The following ARHGEF12 variants were observed in gnomAD, a reference collection of about 807,000 sequenced individuals.
ARHGEF12 encodes KMT2A/ARHGEF12 fusion protein.
ARHGEF12 carries 66 observed loss-of-function variants against 211.2 expected under a neutral mutation model. That is an observed-to-expected ratio of 0.31 (90% CI 0.26 to 0.38). ARHGEF12 has a LOEUF of 0.38. ARHGEF12 is among the 10% of genes least tolerant of loss of function. The pLI is 1.00. For missense variants in ARHGEF12, 1,429 were observed against 1,869.5 expected, an observed-to-expected ratio of 0.76 and a Z score of 4.34; for synonymous variants, 592 against 638.4, an observed-to-expected ratio of 0.93 and a Z score of 1.09.
At chr11:120,374,212 G>A (rs1374471885) in intron 1 of ARHGEF12, among the ~76,000 whole-genome samples, 1 of 152,120 alleles carries the variant, frequency 6.6e-6, no homozygotes, top group African/African-American at 2.4e-5. Flanking sequence ...TCATTTCAGA[G>A]TATAACCATT....
At chr11:120,380,458 G>C (rs1043678839) in intron 1 of ARHGEF12, among the ~76,000 whole-genome samples, 5 of 152,128 alleles carry the variant, frequency 3.3e-5, no homozygotes, top group African/African-American at 1.2e-4. Context: ...CTCTTGGTTT[G>C]TGACAGTTTC....
chr11:120,400,849 T>C (rs1944531967), intron 1 of ARHGEF12, among the ~76,000 whole-genome samples: 1 of 152,218 alleles, frequency 6.6e-6, no homozygotes, highest in Non-Finnish European at 1.5e-5. Context: ...TGTACTAAGC[T>C]ATATTTAAGA....
In ARHGEF12 at chr11:120,480,301, C is replaced by T; in HGVS notation, c.4108C>T (p.Pro1370Ser). ...IMTPEMPTME[P>S]EGGLDDSGEH... ...GACCCCAGAGATGCCTACCATGGAG[C>T]CAGAAGGGGGTCTTGATGACAGTGG... Residue 1370 changes from proline to serine, a missense_variant, in exon 38 of 41, where the codon CCA becomes TCA. Around this residue, in one of 7 missense-constraint regions of ARHGEF12, gnomAD observed 467 missense variants for 468.4 expected, o/e 1.00. Coordinates refer to ENST00000397843, the MANE Select transcript of ARHGEF12 (RefSeq NM_015313.3). The T allele has an allele frequency of 2.5e-6, 4 of 1,614,062 alleles. No homozygotes were observed. The highest frequency in any genetic ancestry group is 3.4e-6 in the Non-Finnish European group (4 of 1,180,026).
chr11:120,374,900 C>G (rs1324384144), intron 1 of ARHGEF12, among the ~76,000 whole-genome samples: 1 of 152,068 alleles, frequency 6.6e-6, no homozygotes, highest in Admixed American at 6.5e-5. Flanking sequence ...GTATTCTGTA[C>G]TTTGAAATTT....
At chr11:120,395,265 C>A (rs1018328685) in intron 1 of ARHGEF12, among the ~76,000 whole-genome samples, 1 of 151,692 alleles carries the variant, frequency 6.6e-6, no homozygotes, top group East Asian at 1.9e-4. Flanking sequence ...GTGTAATGAC[C>A]GGGTAGGGTT....
chr11:120,465,460 A>G (rs1034014540), intron 28 of ARHGEF12, 98 bp downstream of exon 28: 1 of 1,497,418 alleles, frequency 6.7e-7, no homozygotes, highest in Non-Finnish European at 9.1e-7. Context: ...TACAAAGATT[A>G]CATCTGTGTT....
intron 28 of ARHGEF12, 76 bp downstream of exon 28, chr11:120,465,438 G>A: frequency 6.4e-7 from 1 of 1,565,146 alleles, no homozygotes; most frequent in Non-Finnish European, 8.7e-7. Context: ...GGGGAATTCT[G>A]ACTAAGACTT....
intron 3 of ARHGEF12, chr11:120,408,451 A>G (rs559743595): frequency 3.3e-5 from 5 of 152,184 alleles, no homozygotes; most frequent in African/African-American, 1.2e-4. Context: ...TCTCCTTGTA[A>G]GCTTACTCCA....
At position 120,420,046 on chromosome 11, in the gene ARHGEF12, G is replaced by A. The variant is rs180891818; in HGVS notation, c.200-707G>A. Reference sequence around the variant, plus strand: ...CCTGACAGTTTTCATTTGCTGTTTAGAAGAAACACAAATTCTCCCTTAGGA... The same window carrying A: ...CCTGACAGTTTTCATTTGCTGTTTAAAAGAAACACAAATTCTCCCTTAGGA... On this transcript the variant is annotated intron_variant, in intron 4 of 40. Transcript: ENST00000397843. Among the ~76,000 whole-genome samples, 14 of 151,926 alleles carry A rather than the reference G, an allele frequency of 9.2e-5. No homozygotes were observed. The East Asian group carries it at 2.7e-3, about 29-fold the overall frequency.
At chr11:120,484,862 T>C (rs1591653318) in intron 40 of ARHGEF12, among the ~76,000 whole-genome samples, 1 of 152,182 alleles carries the variant, frequency 6.6e-6, no homozygotes, top group African/African-American at 2.4e-5. Flanking sequence ...TGGATGTTGG[T>C]GCACTTGCCT....
At chr11:120,482,363 C>A (rs12418325) in intron 39 of ARHGEF12, among the ~76,000 whole-genome samples, 3,166 of 152,174 alleles carry the variant, frequency 0.021, 136 homozygotes, top group South Asian at 0.16. Flanking sequence ...CATGGTCATG[C>A]ATGGGATTTT....
At chr11:120,412,051 C>T (rs1944898173) in intron 4 of ARHGEF12, among the ~76,000 whole-genome samples, 1 of 152,092 alleles carries the variant, frequency 6.6e-6, no homozygotes, top group Non-Finnish European at 1.5e-5. Flanking sequence ...ACATTTCTGC[C>T]CAGTGCGGTC....
At chr11:120,411,571 A>AC (rs1439338512) in intron 4 of ARHGEF12, 1 of 131,922 alleles carries the variant, frequency 7.6e-6, no homozygotes, top group Non-Finnish European at 1.6e-5. Context: ...TTTATTTTAA[A>AC]CTTTCTTGGC....
intron 11 of ARHGEF12, among the ~76,000 whole-genome samples, chr11:120,434,166 AAAG>A (rs1309525356): frequency 6.6e-6 from 1 of 152,222 alleles, no homozygotes; most frequent in Non-Finnish European, 1.5e-5. Flanking sequence ...ATCTGTAAGA[AAAG>A]AAGACTGCTT....
chr11:120,354,856 A>G (rs1591492657), intron 1 of ARHGEF12, among the ~76,000 whole-genome samples: 1 of 152,238 alleles, frequency 6.6e-6, no homozygotes, highest in East Asian at 1.9e-4. Flanking sequence ...GGAGTCGTAT[A>G]GATGTGGAGA....
chr11:120,382,674 T>C (rs1421134942), intron 1 of ARHGEF12, among the ~76,000 whole-genome samples: 1 of 152,264 alleles, frequency 6.6e-6, no homozygotes, highest in Non-Finnish European at 1.5e-5. Context: ...TATTCATTCA[T>C]TCTATTTCTC....
intron 1 of ARHGEF12, among the ~76,000 whole-genome samples, chr11:120,369,125 CTTTTTTTTTTTT>C (rs1183494101): frequency 7.9e-6 from 1 of 127,320 alleles, no homozygotes; most frequent in African/African-American, 2.9e-5. Flanking sequence ...TTCTTTTCTT[CTTTTTTTTTTTT>C]TTTTTTTCTG....
chr11:120,437,454 A>G, intron 12 of ARHGEF12, 72 bp downstream of exon 12: 1 of 1,011,682 alleles, frequency 9.9e-7, no homozygotes, highest in Non-Finnish European at 1.4e-6. Flanking sequence ...GTATAGACAC[A>G]TCTGATGTTT....
At chr11:120,428,044 C>G (rs1945402882) in intron 7 of ARHGEF12, 25 bp from the exon 8 acceptor site, 1 of 1,514,836 alleles carries the variant, frequency 6.6e-7, no homozygotes, top group African/African-American at 1.4e-5. Flanking sequence ...CCTTCCCTTC[C>G]CTTTTTCCGT....
Sources: allele counts gnomAD v4.1 joint callset (sites outside exome capture counted in the v4.1 genomes callset), GRCh38; gene constraint gnomAD v4.1.1; regional missense constraint gnomAD v4.1.1; transcripts MANE v1.5; gene names NCBI Gene and HGNC (gene_info 2026-07-23, HGNC 2026-07-21).